The following ADD1 variants were observed in gnomAD, a reference collection of about 807,000 sequenced individuals.
ADD1 encodes alpha-adducin.
ADD1 carries 24 observed loss-of-function variants against 80.5 expected under a neutral mutation model. That is an observed-to-expected ratio of 0.30 (90% confidence interval 0.22 to 0.42). ADD1 has a LOEUF of 0.42. ADD1 is among the 10% of genes least tolerant of loss of function. The pLI is 1.00. For missense variants in ADD1, 948 were observed against 1,019.0 expected (o/e 0.93, Z 0.95); for synonymous variants, 373 against 393.8 (o/e 0.95, Z 0.63).
intron 1 of ADD1, among the ~76,000 whole-genome samples, chr4:2,861,378 A>ATT (rs1314537521): frequency 6.6e-6 from 1 of 152,210 alleles, no homozygotes; most frequent in Non-Finnish European, 1.5e-5. Flanking sequence ...CAAATTAAGT[A>ATT]GGGTGCGACA....
At position 2,926,159 on chromosome 4, in the gene ADD1, T is replaced by G. The variant is rs774828175; in HGVS notation, c.2047+47T>G. On this transcript the variant is annotated intron_variant, in intron 15 of 15. Transcript: ENST00000683351. The surrounding 1 kb of genome is among the most constrained non-coding windows in gnomAD (Gnocchi z 5.0). ...CCGCCACTGTGGGAGGGTGCACGGC[T>G]CGTGCGCGCTGTGGCGGAATGTGGC... is the stretch of plus-strand genomic sequence containing the variant. The G allele has an allele frequency of 1.9e-5, 28 of 1,505,506 alleles. No homozygotes were observed. Among genetic ancestry groups the G allele is most frequent in the Non-Finnish European group, 2.5e-5 (27 of 1,082,106 alleles). 93.3% of individuals were successfully genotyped at this position (1,505,506 alleles called of 1,614,324 possible). A position where few individuals can be genotyped will look rare whatever the true frequency, so the allele number is the denominator to read the frequency against.
chr4:2,916,533 T>A (rs776584973), intron 14 of ADD1, among the ~76,000 whole-genome samples: 3 of 151,994 alleles, frequency 2.0e-5, no homozygotes, highest in African/African-American at 4.8e-5. Context: ...TCTCTCTCTC[T>A]TTTTTTTAAA....
chr4:2,907,871 G>C (rs771494242), intron 11 of ADD1, 27 bp downstream of exon 11: 3 of 1,590,370 alleles, frequency 1.9e-6, no homozygotes, highest in South Asian at 2.2e-5. Context: ...CACTCAGCGG[G>C]GGCTTGGGTG....
At chr4:2,899,935 C>T (rs753456115) in intron 9 of ADD1, 3 of 237,892 alleles carry the variant, frequency 1.3e-5, no homozygotes, top group African/African-American at 4.6e-5. Context: ...AGAAGGCGGG[C>T]TTATGGGGCC....
At chr4:2,895,426 G>C (rs753658341) in intron 6 of ADD1, among the ~76,000 whole-genome samples, 1 of 152,006 alleles carries the variant, frequency 6.6e-6, no homozygotes, top group Non-Finnish European at 1.5e-5. Context: ...GTGGGTGGAG[G>C]GTGCTGTGGG....
intron 2 of ADD1, among the ~76,000 whole-genome samples, chr4:2,879,399 G>T (rs1050245649): frequency 6.6e-6 from 1 of 152,166 alleles, no homozygotes; most frequent in African/African-American, 2.4e-5. Flanking sequence ...TTATTTATCA[G>T]TATGTATATC....
chr4:2,883,376 C>T (rs1732702172), intron 3 of ADD1, among the ~76,000 whole-genome samples: 1 of 151,782 alleles, frequency 6.6e-6, no homozygotes, highest in Non-Finnish European at 1.5e-5. Flanking sequence ...GTGTGTTTCA[C>T]ATCATTGCAG....
At chr4:2,844,584 T>C (rs1336509653) in intron 1 of ADD1, 1 of 152,242 alleles carries the variant, frequency 6.6e-6, no homozygotes, top group Non-Finnish European at 1.5e-5. Flanking sequence ...TTCTTAATCT[T>C]TTATTTTCGT....
chr4:2,895,485 C>A (rs1353392985), intron 6 of ADD1, among the ~76,000 whole-genome samples: 1 of 151,982 alleles, frequency 6.6e-6, no homozygotes, highest in African/African-American at 2.4e-5. Context: ...TGAGGACAGT[C>A]TGTGGGGACG....
chr4:2,883,237 TAC>T (rs1210224327), intron 3 of ADD1, among the ~76,000 whole-genome samples: 2 of 152,302 alleles, frequency 1.3e-5, no homozygotes, highest in Middle Eastern at 3.4e-3. Flanking sequence ...TACCTGGTGA[TAC>T]AGTTTGTGTA....
chr4:2,909,282 G>C (rs976833245), intron 12 of ADD1, 57 bp from the exon 13 acceptor site: 2 of 1,412,702 alleles, frequency 1.4e-6, no homozygotes, highest in Admixed American at 3.9e-5. Flanking sequence ...TGTGCTCTCA[G>C]CTGATATTTC....
intron 14 of ADD1, among the ~76,000 whole-genome samples, chr4:2,920,586 C>A (rs1009636146): frequency 1.3e-5 from 2 of 150,880 alleles, no homozygotes; most frequent in South Asian, 4.2e-4. Context: ...TTATGTAATG[C>A]CCTGCTTTGT....
intron 1 of ADD1, 121 bp from the exon 2 acceptor site, chr4:2,875,775 C>T: frequency 2.5e-6 from 2 of 795,958 alleles, no homozygotes. Context: ...ATGGTTTCCA[C>T]TGTCAGTTGG....
intron 4 of ADD1, among the ~76,000 whole-genome samples, chr4:2,886,389 T>A (rs1022756758): frequency 2.0e-5 from 3 of 152,228 alleles, no homozygotes; most frequent in African/African-American, 7.2e-5. Flanking sequence ...AGAGACTGAG[T>A]TGCCTTCTAT....
At chr4:2,850,586 C>T (rs994598928) in intron 1 of ADD1, among the ~76,000 whole-genome samples, 5 of 152,186 alleles carry the variant, frequency 3.3e-5, no homozygotes, top group Admixed American at 6.5e-5. Context: ...CCACCATGCC[C>T]GGCTAATTTT....
rs151011491 is a variant in ADD1 at position 2,904,624 on chromosome 4, G to T, written c.1162-140G>T. Reference sequence around the variant, plus strand: ...GTGAACACATTTGCTTCTGTGGGGTGTAAAATTAGGAGTGGAATTACTGAG... The same window carrying T: ...GTGAACACATTTGCTTCTGTGGGGTTTAAAATTAGGAGTGGAATTACTGAG... On this transcript the variant is annotated intron_variant, in intron 9 of 15. Transcript: ENST00000683351. 2.2e-5 allele frequency: 17 copies of T among 758,894 alleles called. No homozygotes were observed. In the South Asian group the frequency reaches 3.1e-4, roughly 14 times the overall value. The allele number at this position is 758,894 out of a possible 1,614,324, so 47.0% of individuals were successfully genotyped here.
At chr4:2,852,138 TTTTC>T (rs754218185) in intron 1 of ADD1, among the ~76,000 whole-genome samples, 1,521 of 97,512 alleles carry the variant, frequency 0.016, 52 homozygotes, top group Non-Finnish European at 0.021. Flanking sequence ...ACCCGGCCTC[TTTTC>T]TTTCTTTCTT....
At chr4:2,921,105 G>C (rs779518598) in intron 14 of ADD1, among the ~76,000 whole-genome samples, 1 of 152,236 alleles carries the variant, frequency 6.6e-6, no homozygotes, top group East Asian at 1.9e-4. Flanking sequence ...AGCTTAGTTT[G>C]GCTGGATATG....
intron 14 of ADD1, among the ~76,000 whole-genome samples, chr4:2,921,374 C>T (rs1332148002): frequency 3.9e-5 from 6 of 152,238 alleles, no homozygotes; most frequent in East Asian, 1.9e-4. Context: ...ATGATCTGCC[C>T]GCCTCAGCCT....
Sources: allele counts gnomAD v4.1 joint callset (sites outside exome capture counted in the v4.1 genomes callset), GRCh38; gene constraint gnomAD v4.1.1; non-coding constraint Gnocchi (gnomAD v3.1); transcripts MANE v1.5; gene names NCBI Gene and HGNC (gene_info 2026-07-23, HGNC 2026-07-21).